The following SHANK2 variants were observed in gnomAD, a reference collection of about 807,000 sequenced individuals.
The protein encoded by SHANK2 is SH3 and multiple ankyrin repeat domains protein 2.
In SHANK2, 43 loss-of-function variants were observed where a neutral mutation model predicts 133.7. That is an observed-to-expected ratio of 0.32 (90% CI 0.25 to 0.41). SHANK2 has a LOEUF of 0.41. Among genes scored for constraint, SHANK2 ranks in the 10% least tolerant of loss-of-function variants. The pLI is 1.00. For synonymous variants in SHANK2, 1,017 were observed against 952.8 expected, an observed-to-expected ratio of 1.07 and a Z score of -1.24; for missense variants, 1,994 against 2,235.8, an observed-to-expected ratio of 0.89 and a Z score of 2.18.
intron 2 of SHANK2, among the ~76,000 whole-genome samples, chr11:71,213,316 G>A (rs1185573063): frequency 2.6e-5 from 4 of 152,122 alleles, no homozygotes; most frequent in Admixed American, 6.5e-5. Flanking sequence ...TTGTGAGGAC[G>A]CCAAGATTAC....
intron 8 of SHANK2, among the ~76,000 whole-genome samples, chr11:71,083,095 C>G (rs1441737702): frequency 6.6e-6 from 1 of 152,152 alleles, no homozygotes; most frequent in East Asian, 1.9e-4. Context: ...CAGGAATGTG[C>G]CACCATGCCC....
chr11:71,159,155 G>C (rs1398281913), intron 2 of SHANK2, among the ~76,000 whole-genome samples: 2 of 152,240 alleles, frequency 1.3e-5, no homozygotes, highest in Non-Finnish European at 2.9e-5. Context: ...TCCTAAATGA[G>C]TTTATGGGGC....
intron 14 of SHANK2, among the ~76,000 whole-genome samples, chr11:70,724,138 C>T (rs926355535): frequency 1.3e-5 from 2 of 151,744 alleles, no homozygotes; most frequent in African/African-American, 4.8e-5. Context: ...TGGGTTCCAG[C>T]AATTCTCCTG....
chr11:71,215,637 C>T (rs1240913499), intron 2 of SHANK2, among the ~76,000 whole-genome samples: 2 of 152,334 alleles, frequency 1.3e-5, no homozygotes, highest in Non-Finnish European at 2.9e-5. Flanking sequence ...CATAGCCATC[C>T]GTGGCACAGT....
chr11:70,660,223 A>G (rs1183956640), intron 16 of SHANK2, among the ~76,000 whole-genome samples: 1 of 152,206 alleles, frequency 6.6e-6, no homozygotes, highest in Non-Finnish European at 1.5e-5. Context: ...TCTGTGGTAC[A>G]TGTCTACACG....
At chr11:70,499,090 A>G (rs1565540159) in intron 21 of SHANK2, among the ~76,000 whole-genome samples, 1 of 152,220 alleles carries the variant, frequency 6.6e-6, no homozygotes, top group Non-Finnish European at 1.5e-5. Flanking sequence ...AGACAGGTGG[A>G]GGCAGCACGA....
chr11:70,723,794 A>AT (rs756412019), intron 14 of SHANK2, among the ~76,000 whole-genome samples: 8 of 152,188 alleles, frequency 5.3e-5, no homozygotes, highest in Non-Finnish European at 8.8e-5. Flanking sequence ...GAGGAAGAGG[A>AT]TGTAGAGAGG....
Position 71,115,549 on chromosome 11 carries a change from T to A in SHANK2, c.412-2185A>T, listed in dbSNP as rs183151397. Reference sequence around the variant, plus strand: ...CCAGAGCAGCAGCTGCAAAGTCAATTTGGGGACTTGTGGATGGCCAGGCTC... The same window carrying A: ...CCAGAGCAGCAGCTGCAAAGTCAATATGGGGACTTGTGGATGGCCAGGCTC... On this transcript the variant is annotated intron_variant, in intron 4 of 25. Transcript: ENST00000601538. Among the ~76,000 whole-genome samples, 543 of 152,174 alleles carry A rather than the reference T, an allele frequency of 3.6e-3. 5 individuals carry two copies. The highest frequency in any genetic ancestry group is 0.012 in the African/African-American group (515 of 41,516).
At chr11:70,640,899 C>T (rs782600177) in intron 17 of SHANK2, among the ~76,000 whole-genome samples, 1 of 152,070 alleles carries the variant, frequency 6.6e-6, no homozygotes, top group Non-Finnish European at 1.5e-5. Context: ...AGGCAATGAG[C>T]GTCTACACAG....
chr11:70,827,596 C>CCT (rs200268827), intron 11 of SHANK2, among the ~76,000 whole-genome samples: 3,395 of 149,472 alleles, frequency 0.023, 73 homozygotes, highest in Middle Eastern at 0.049. Flanking sequence ...TTGCCGGATG[C>CCT]CTCTGCTGGG....
At chr11:70,902,334 T>C (rs1393348792) in intron 10 of SHANK2, among the ~76,000 whole-genome samples, 4 of 152,160 alleles carry the variant, frequency 2.6e-5, no homozygotes, top group Non-Finnish European at 5.9e-5. Context: ...TTCTCTTCTG[T>C]GGATCTCAAA....
rs953346428 is a variant in SHANK2 at position 70,479,156 on chromosome 11, C to T, written c.4980-5717G>A. On this transcript the variant is annotated intron_variant, in intron 25 of 25. Coordinates refer to ENST00000601538, the MANE Select transcript of SHANK2 (RefSeq NM_012309.5). The surrounding 1 kb of genome is among the most constrained non-coding windows in gnomAD (Gnocchi z 4.4). ...ACTAGTGCTCCCAGCCACCCACAGT[C>T]GCATTCACTGATGTCACATTCACTT... 6.6e-6 allele frequency among the ~76,000 whole-genome samples: 1 copy of T among 152,188 alleles called. No homozygotes were observed. The highest frequency in any genetic ancestry group is 2.4e-5 in the African/African-American group (1 of 41,452).
intron 14 of SHANK2, among the ~76,000 whole-genome samples, chr11:70,729,005 G>T (rs1395888025): frequency 3.3e-5 from 5 of 152,036 alleles, no homozygotes. Context: ...AGGAGTTCGA[G>T]ACCAGCCTGG....
At chr11:70,797,040 C>A (rs1456535816) in intron 14 of SHANK2, among the ~76,000 whole-genome samples, 1 of 152,204 alleles carries the variant, frequency 6.6e-6, no homozygotes, top group Non-Finnish European at 1.5e-5. Context: ...TGATTTAATG[C>A]CCAATCCCTT....
chr11:70,513,162 TG>T (rs1202841985), intron 17 of SHANK2, among the ~76,000 whole-genome samples: 3 of 151,498 alleles, frequency 2.0e-5, no homozygotes, highest in Admixed American at 2.0e-4. Context: ...TGCAGTTTTT[TG>T]TTTTTTTTTT....
intron 17 of SHANK2, among the ~76,000 whole-genome samples, chr11:70,536,445 C>T (rs577662587): frequency 6.6e-6 from 1 of 152,358 alleles, no homozygotes; most frequent in African/African-American, 2.4e-5. Flanking sequence ...GCTGTCCCCA[C>T]CCAGGCTGGC....
intron 17 of SHANK2, among the ~76,000 whole-genome samples, chr11:70,510,740 G>A (rs1329331037): frequency 1.4e-4 from 21 of 152,186 alleles, no homozygotes; most frequent in African/African-American, 4.8e-4. Context: ...ATAGCACAGT[G>A]AGTCCTAGGG....
chr11:70,837,311 G>T (rs1331499829), intron 11 of SHANK2, among the ~76,000 whole-genome samples: 8 of 152,052 alleles, frequency 5.3e-5, no homozygotes. Flanking sequence ...ACCCACACGG[G>T]CCCTGTCAGC....
At chr11:70,540,273 C>T (rs781969881) in intron 17 of SHANK2, among the ~76,000 whole-genome samples, 25 of 152,174 alleles carry the variant, frequency 1.6e-4, no homozygotes, top group Admixed American at 4.6e-4. Flanking sequence ...GAGCAGGGGC[C>T]AGGGCTCACC....
Sources: allele counts gnomAD v4.1 joint callset (sites outside exome capture counted in the v4.1 genomes callset), GRCh38; gene constraint gnomAD v4.1.1; non-coding constraint Gnocchi (gnomAD v3.1); transcripts MANE v1.5; gene names NCBI Gene and HGNC (gene_info 2026-07-23, HGNC 2026-07-21).